The following CYP7B1 variants were observed in gnomAD, a reference collection of about 807,000 sequenced individuals.
CYP7B1 encodes the protein cytochrome P450 7B1.
CYP7B1 carries 29 observed loss-of-function variants against 42.7 expected under a neutral mutation model. That is an observed-to-expected ratio of 0.68 (90% CI 0.51 to 0.93). The LOEUF is 0.93. Ranked by LOEUF, CYP7B1 falls within the 40% of genes least tolerant of loss-of-function variation. The pLI, the probability that CYP7B1 is intolerant of heterozygous loss-of-function variation, is 0.00. For missense variants in CYP7B1, 655 were observed against 600.5 expected (o/e 1.09, Z -0.95); for synonymous variants, 235 against 218.2 (o/e 1.08, Z -0.68).
intron 1 of CYP7B1, among the ~76,000 whole-genome samples, chr8:64,698,320 A>C (rs1806861836): frequency 6.6e-6 from 1 of 152,026 alleles, no homozygotes; most frequent in Admixed American, 6.6e-5. Flanking sequence ...CAGAAGCTTT[A>C]GCTCCAGCAG....
chr8:64,623,672 G>C (rs1299121034), intron 2 of CYP7B1, among the ~76,000 whole-genome samples: 1 of 152,062 alleles, frequency 6.6e-6, no homozygotes. Context: ...ATTTTTCTTG[G>C]TGTTTTGGTA....
chr8:64,741,603 C>A (rs544534654), intron 1 of CYP7B1, among the ~76,000 whole-genome samples: 2 of 152,324 alleles, frequency 1.3e-5, no homozygotes, highest in African/African-American at 4.8e-5. Context: ...CAGGCATGAG[C>A]CATCGTGCCC....
intron 1 of CYP7B1, among the ~76,000 whole-genome samples, chr8:64,785,346 T>C (rs1355323811): frequency 6.6e-6 from 1 of 152,204 alleles, no homozygotes; most frequent in African/African-American, 2.4e-5. Context: ...TCCAGCAATG[T>C]TGCCCATGCA....
chr8:64,753,955 C>A (rs1807769185), intron 1 of CYP7B1, among the ~76,000 whole-genome samples: 3 of 151,946 alleles, frequency 2.0e-5, no homozygotes, highest in South Asian at 4.2e-4. Context: ...CATGTCCATG[C>A]AACAAAGATG....
At chr8:64,689,592 G>T (rs905300250) in intron 1 of CYP7B1, among the ~76,000 whole-genome samples, 3 of 151,388 alleles carry the variant, frequency 2.0e-5, no homozygotes, top group Non-Finnish European at 4.4e-5. Flanking sequence ...TTTGGACAGG[G>T]TCTCACTCTG....
At chr8:64,761,924 C>T (rs1807896971) in intron 1 of CYP7B1, among the ~76,000 whole-genome samples, 2 of 152,138 alleles carry the variant, frequency 1.3e-5, no homozygotes, top group Non-Finnish European at 2.9e-5. Context: ...TCAAACTGTT[C>T]GCTCCTATGC....
intron 1 of CYP7B1, among the ~76,000 whole-genome samples, chr8:64,768,188 G>C (rs1222812217): frequency 6.6e-6 from 1 of 152,118 alleles, no homozygotes; most frequent in Non-Finnish European, 1.5e-5. Context: ...ATACAAATTA[G>C]GCTAAAGCAG....
chr8:64,665,462 T>C (rs1806260138), intron 1 of CYP7B1, among the ~76,000 whole-genome samples: 1 of 150,008 alleles, frequency 6.7e-6, no homozygotes, highest in Middle Eastern at 3.2e-3. Context: ...CTTAACGAGC[T>C]ACATAAACTA....
chr8:64,721,609 G>C lies in CYP7B1; in HGVS notation c.122+76857C>G, dbSNP rs190521002. 3.3e-5 allele frequency among the ~76,000 whole-genome samples: 5 copies of C among 152,180 alleles called. No individual in the cohort carries two copies. The East Asian group carries it at 9.6e-4, about 29-fold the overall frequency. ...ACAGTATTAGCGATAGGACTTTTTC[G>C]CAACAGCAAGCTCTCCTCTTGAAAT... On this transcript the variant is annotated intron_variant, in intron 1 of 5. Coordinates refer to ENST00000310193, the MANE Select transcript of CYP7B1 (RefSeq NM_004820.5).
At chr8:64,758,268 G>A (rs1173280730) in intron 1 of CYP7B1, among the ~76,000 whole-genome samples, 2 of 152,142 alleles carry the variant, frequency 1.3e-5, no homozygotes, top group Non-Finnish European at 1.5e-5. Flanking sequence ...CTGGCTGAAT[G>A]AGATGTTCTT....
chr8:64,727,788 T>C (rs1385893553), intron 1 of CYP7B1, among the ~76,000 whole-genome samples: 1 of 152,184 alleles, frequency 6.6e-6, no homozygotes, highest in Non-Finnish European at 1.5e-5. Context: ...TGGACAATTC[T>C]AACACAGAAC....
intron 1 of CYP7B1, among the ~76,000 whole-genome samples, chr8:64,674,371 C>A (rs1416526370): frequency 2.6e-5 from 4 of 152,108 alleles, no homozygotes; most frequent in Admixed American, 1.3e-4. Flanking sequence ...CCACACTTTA[C>A]TGTAGAGGGG....
chr8:64,758,102 G>A (rs898513298), intron 1 of CYP7B1, among the ~76,000 whole-genome samples: 3 of 152,130 alleles, frequency 2.0e-5, no homozygotes, highest in Admixed American at 6.5e-5. Context: ...CTGCTTTCAG[G>A]GGAATGCAGG....
intron 1 of CYP7B1, among the ~76,000 whole-genome samples, chr8:64,679,462 T>C (rs1012617475): frequency 4.6e-5 from 7 of 152,334 alleles, no homozygotes; most frequent in Admixed American, 4.6e-4. Context: ...AATATGATTG[T>C]TTAAAAAAAT....
At chr8:64,795,262 G>A (rs1804687065) in intron 1 of CYP7B1, among the ~76,000 whole-genome samples, 1 of 152,214 alleles carries the variant, frequency 6.6e-6, no homozygotes, top group Admixed American at 6.5e-5. Flanking sequence ...TATGAAGTTT[G>A]AGAATGAGCA....
intron 1 of CYP7B1, among the ~76,000 whole-genome samples, chr8:64,719,450 G>A (rs984576379): frequency 1.3e-5 from 2 of 152,184 alleles, no homozygotes; most frequent in Admixed American, 6.5e-5. Context: ...GCGAAACTGA[G>A]TTTATCAGCT....
rs1306489197 is a variant in CYP7B1, at chr8:64,593,968, G to A, written c.*2674C>T. On this transcript the variant is annotated 3_prime_UTR_variant, in exon 6 of 6. Coordinates refer to ENST00000310193, the MANE Select transcript of CYP7B1 (RefSeq NM_004820.5). ...GAATGGAAAACCTGAAGGTTAACAA[G>A]CTGGAGACTGACACTCTGACTCAAA... 6.6e-6 allele frequency among the ~76,000 whole-genome samples: 1 copy of A among 152,180 alleles called. No homozygotes were observed. Among genetic ancestry groups the A allele is most frequent in the Non-Finnish European group, 1.5e-5 (1 of 68,038 alleles).
chr8:64,749,071 T>C (rs1055019520), intron 1 of CYP7B1, among the ~76,000 whole-genome samples: 7 of 151,868 alleles, frequency 4.6e-5, no homozygotes, highest in African/African-American at 1.5e-4. Context: ...TTTTTTATTT[T>C]CTTTTTTTTC....
intron 1 of CYP7B1, among the ~76,000 whole-genome samples, chr8:64,684,475 TTTG>T (rs1217541574): frequency 1.3e-5 from 2 of 152,260 alleles, no homozygotes. Context: ...TGTATCACGC[TTTG>T]TTAAAATAAT....
Sources: allele counts gnomAD v4.1 joint callset (sites outside exome capture counted in the v4.1 genomes callset), GRCh38; gene constraint gnomAD v4.1.1; transcripts MANE v1.5; gene names NCBI Gene and HGNC (gene_info 2026-07-23, HGNC 2026-07-21).